CCPG1: variants seen among roughly 807,000 people sequenced by gnomAD.
The protein encoded by CCPG1 is cell cycle progression protein 1.
Under a neutral mutation model 81.3 loss-of-function variants are expected in CCPG1, and 46 were observed. The ratio of observed to expected loss-of-function variants is 0.57; its 90% CI spans 0.45 to 0.72. The LOEUF (loss-of-function observed/expected upper bound fraction) is 0.72. Among genes scored for constraint, CCPG1 ranks in the 30% least tolerant of loss-of-function variants. The probability of loss-of-function intolerance (pLI) is 0.00; values close to 1 mark genes in which losing one functional copy is unlikely to be tolerated. For missense variants in CCPG1, 902 were observed against 937.6 expected, an observed-to-expected ratio of 0.96 and a Z score of 0.50; for synonymous variants, 330 against 305.2, an observed-to-expected ratio of 1.08 and a Z score of -0.85.
chr15:55,391,894 G>T lies in CCPG1; in HGVS notation c.-9-2461C>A, dbSNP rs1314492452. 2.9e-4 allele frequency among the ~76,000 whole-genome samples: 33 copies of T among 114,496 alleles called. 1 individual carries two copies. Among genetic ancestry groups the T allele is most frequent in the African/African-American group, 9.2e-4 (33 of 36,056 alleles). The allele number at this position is 114,496 out of a possible 152,430, so 75.1% of individuals were successfully genotyped here. On this transcript the variant is annotated intron_variant, in intron 1 of 8. Transcript: ENST00000442196. ...CTTTAAAAAAAAAAAAAAAGGGGGG[G>T]GGGGGCTAGGTGTGGTAGCTCACGT...
intron 7 of CCPG1, among the ~76,000 whole-genome samples, chr15:55,362,708 C>T (rs549205039): frequency 2.0e-5 from 3 of 152,266 alleles, no homozygotes; most frequent in South Asian, 2.1e-4. Flanking sequence ...CAAAATCTAT[C>T]TGATCCACAC....
At chr15:55,403,536 T>C (rs768073198) in intron 1 of CCPG1, among the ~76,000 whole-genome samples, 4 of 152,194 alleles carry the variant, frequency 2.6e-5, no homozygotes, top group Non-Finnish European at 5.9e-5. Flanking sequence ...TAAATACCCT[T>C]TGGGGGAAAA....
At chr15:55,387,396 AAAG>A (rs753031620) in intron 2 of CCPG1, among the ~76,000 whole-genome samples, 25 of 152,352 alleles carry the variant, frequency 1.6e-4, no homozygotes, top group Admixed American at 9.8e-4. Context: ...AAGATTTTAA[AAAG>A]AAGAATCATC....
chr15:55,361,964 T>C (rs1407157448), intron 7 of CCPG1, among the ~76,000 whole-genome samples: 1 of 152,190 alleles, frequency 6.6e-6, no homozygotes, highest in East Asian at 1.9e-4. Flanking sequence ...ATTTTTGAAG[T>C]TCTGTAATCT....
chr15:55,381,178 G>A (rs902069309), intron 3 of CCPG1, among the ~76,000 whole-genome samples: 6 of 151,306 alleles, frequency 4.0e-5, no homozygotes, highest in Non-Finnish European at 8.8e-5. Flanking sequence ...GCTCATGCTT[G>A]TAATCACAGC....
In CCPG1 at chr15:55,397,570, T is replaced by C. The variant is rs115727940; in HGVS notation, c.-9-8137A>G. The stretch of plus-strand genomic sequence containing the variant: ...CAAAGGTACAGCAGCCAACAGGACT[T>C]CCTGATGTATTGAATATGGGGTATA... On this transcript the variant is annotated intron_variant, in intron 1 of 8. Coordinates refer to ENST00000442196, the MANE Select transcript of CCPG1 (RefSeq NM_001204450.2). 9.2e-3 allele frequency among the ~76,000 whole-genome samples: 1,401 copies of C among 152,258 alleles called. 15 individuals are homozygous for C. The highest frequency in any genetic ancestry group is 0.032 in the African/African-American group (1,317 of 41,554).
At chr15:55,371,686 G>T in intron 6 of CCPG1, 107 bp downstream of exon 6, 1 of 1,164,038 alleles carries the variant, frequency 8.6e-7, no homozygotes, top group Non-Finnish European at 1.2e-6. Flanking sequence ...AGTTTTCAAG[G>T]CCACACATTT....
chr15:55,380,294 T>G (rs189346780), intron 3 of CCPG1, among the ~76,000 whole-genome samples: 2,031 of 151,764 alleles, frequency 0.013, 26 homozygotes, highest in Non-Finnish European at 0.016. Flanking sequence ...TTTTGTTTTT[T>G]TTTTGTTTTG....
At chr15:55,359,258 C>T (rs912907731) in intron 8 of CCPG1, 2 of 1,098,536 alleles carry the variant, frequency 1.8e-6, no homozygotes, top group South Asian at 4.3e-5. Context: ...AAGAAACAAA[C>T]TTGGCCAAAG....
Position 55,406,624 on chromosome 15 carries a change from G to A in CCPG1, c.-10+1597C>T, listed in dbSNP as rs1029531009. Among the ~76,000 whole-genome samples the A allele has an allele frequency of 2.0e-5, 3 of 151,038 alleles. No homozygotes were observed. In the East Asian group the frequency reaches 6.0e-4, roughly 30 times the overall value. ...TAATTTTTGTATTTTTAGTAGAGAC[G>A]GGGTTTCACCGTGTCGGCCAGGCTG... On this transcript the variant is annotated intron_variant, in intron 1 of 8. Transcript: ENST00000442196.
At chr15:55,399,164 G>C (rs1022979684) in intron 1 of CCPG1, among the ~76,000 whole-genome samples, 33 of 152,080 alleles carry the variant, frequency 2.2e-4, no homozygotes, top group Non-Finnish European at 5.9e-5. Context: ...GAGTAGGGGT[G>C]GGGATGGTGC....
chr15:55,381,727 T>C (rs537575), intron 3 of CCPG1, among the ~76,000 whole-genome samples: 2,647 of 152,354 alleles, frequency 0.017, 71 homozygotes, highest in African/African-American at 0.06. Flanking sequence ...AATTTAAATA[T>C]GAACATAAGT....
rs1433527983 is a variant in CCPG1, at chr15:55,359,846, G to A, written c.1927C>T (p.Leu643Phe). ...ATAGGATTCACCACTGTGTTAAAAAGGCTCATGGACTCTTGTTGAGCACAA... is the reference window on the plus strand; with the variant it reads ...ATAGGATTCACCACTGTGTTAAAAAAGCTCATGGACTCTTGTTGAGCACAA... Reference protein sequence around the residue: ...FDCAQQESMSLFNTVVNPIRM... With the variant: ...FDCAQQESMSFFNTVVNPIRM... Residue 643 changes from leucine (L) to phenylalanine (F), a missense_variant, in exon 8 of 9, where the codon CTT (leucine) becomes TTT (phenylalanine). Leu to Phe is a conservative substitution (Grantham distance 22, BLOSUM62 0). Coordinates refer to ENST00000442196, the MANE Select transcript of CCPG1 (RefSeq NM_001204450.2). 1 of 1,613,510 alleles carries A rather than the reference G, an allele frequency of 6.2e-7. No homozygotes were observed. Among genetic ancestry groups the A allele is most frequent in the East Asian group, 2.2e-5 (1 of 44,848 alleles).
At chr15:55,407,228 C>CAAA (rs33932364) in intron 1 of CCPG1, among the ~76,000 whole-genome samples, 316 of 144,980 alleles carry the variant, frequency 2.2e-3, no homozygotes, top group Admixed American at 5.9e-3. Context: ...AACCCTCTCT[C>CAAA]AAAAAAAAAA....
chr15:55,382,838 C>G (rs182553859), intron 3 of CCPG1, among the ~76,000 whole-genome samples: 87 of 152,280 alleles, frequency 5.7e-4, no homozygotes, highest in Non-Finnish European at 1.0e-3. Context: ...AATTCTCTTG[C>G]TACTTCTACC....
At chr15:55,369,101 G>C (rs1236170001) in intron 6 of CCPG1, among the ~76,000 whole-genome samples, 2 of 147,654 alleles carry the variant, frequency 1.4e-5, no homozygotes, top group African/African-American at 5.2e-5. Context: ...AACAGAGCAA[G>C]ACTCTGTCTC....
At chr15:55,382,659 G>A (rs536478556) in intron 3 of CCPG1, among the ~76,000 whole-genome samples, 2 of 152,086 alleles carry the variant, frequency 1.3e-5, no homozygotes, top group Admixed American at 1.3e-4. Context: ...ACAGGCGCCT[G>A]CCACCACGCC....
At chr15:55,373,276 G>T (rs1272341926) in intron 5 of CCPG1, among the ~76,000 whole-genome samples, 3 of 152,126 alleles carry the variant, frequency 2.0e-5, no homozygotes, top group Non-Finnish European at 4.4e-5. Context: ...CTACTTAGAG[G>T]AAAAGCACTA....
chr15:55,375,734 T>A (rs949305865), intron 5 of CCPG1, among the ~76,000 whole-genome samples: 2 of 151,126 alleles, frequency 1.3e-5, no homozygotes, highest in Middle Eastern at 3.2e-3. Flanking sequence ...GTCACCCAGG[T>A]TGGCAATCTG....
Sources: allele counts gnomAD v4.1 joint callset (sites outside exome capture counted in the v4.1 genomes callset), GRCh38; gene constraint gnomAD v4.1.1; transcripts MANE v1.5; gene names NCBI Gene and HGNC (gene_info 2026-07-23, HGNC 2026-07-21).